The following SLC9A9 variants were observed in gnomAD, a reference collection of about 807,000 sequenced individuals.
SLC9A9 encodes solute carrier family 9 member A9, also known as sodium/hydrogen exchanger 9.
A neutral mutation model predicts 77.8 loss-of-function variants in SLC9A9; 62 were observed. That is an observed-to-expected ratio of 0.80 (90% confidence interval 0.65 to 0.98). The LOEUF is 0.98. Among genes scored for constraint, SLC9A9 ranks in the 50% least tolerant of loss-of-function variants. The pLI is 0.00. For missense variants in SLC9A9, 775 were observed against 774.9 expected (o/e 1.00, Z 0.00); for synonymous variants, 320 against 283.5 (o/e 1.13, Z -1.29).
At chr3:143,291,522 A>G (rs2029976573) in intron 14 of SLC9A9, among the ~76,000 whole-genome samples, 1 of 152,062 alleles carries the variant, frequency 6.6e-6, no homozygotes, top group Admixed American at 6.5e-5. Context: ...CTGTCTCTCC[A>G]CCCGAAGGGG....
chr3:143,562,717 A>T (rs890882009), intron 8 of SLC9A9, among the ~76,000 whole-genome samples: 14 of 151,162 alleles, frequency 9.3e-5, no homozygotes, highest in African/African-American at 3.2e-4. Context: ...AAATCTGATC[A>T]TTCTGTTTCC....
chr3:143,279,609 CT>C (rs1191821162), intron 14 of SLC9A9, among the ~76,000 whole-genome samples: 1 of 152,120 alleles, frequency 6.6e-6, no homozygotes, highest in Non-Finnish European at 1.5e-5. Flanking sequence ...GTTCCCCTCC[CT>C]GGGTCCATGT....
At chr3:143,515,289 T>C (rs2036186849) in intron 9 of SLC9A9, among the ~76,000 whole-genome samples, 1 of 152,022 alleles carries the variant, frequency 6.6e-6, no homozygotes, top group South Asian at 2.1e-4. Flanking sequence ...ACACATATAA[T>C]GAAAAAGCTT....
intron 13 of SLC9A9, among the ~76,000 whole-genome samples, chr3:143,364,989 C>A (rs1205234291): frequency 6.6e-6 from 1 of 152,150 alleles, no homozygotes; most frequent in East Asian, 1.9e-4. Context: ...TCATTCATTG[C>A]AGCACTATTT....
chr3:143,271,220 A>G (rs7620796), intron 14 of SLC9A9, among the ~76,000 whole-genome samples: 54,541 of 152,032 alleles, frequency 0.36, 12,795 homozygotes, highest in African/African-American at 0.67. Context: ...ACTATATAAT[A>G]CTATTGGAGT....
At chr3:143,289,428 A>C (rs915308800) in intron 14 of SLC9A9, among the ~76,000 whole-genome samples, 16 of 152,292 alleles carry the variant, frequency 1.1e-4, no homozygotes, top group African/African-American at 3.8e-4. Flanking sequence ...AAGGACTCTC[A>C]GAGATGCAGC....
At chr3:143,521,745 A>G (rs1465701631) in intron 9 of SLC9A9, among the ~76,000 whole-genome samples, 1 of 152,068 alleles carries the variant, frequency 6.6e-6, no homozygotes. Flanking sequence ...TAAGTACTCA[A>G]ATTCCTTCAA....
rs1007875653 is a variant in SLC9A9, at chr3:143,460,792, C to T, written c.1469+6245G>A. On this transcript the variant is annotated intron_variant, in intron 12 of 15. Transcript: ENST00000316549. Reference sequence around the variant, plus strand: ...CTAATTCATAACAATTGTTATAAACCTAGAATATTTTTAGGTTAAAAACAA... The same window carrying T: ...CTAATTCATAACAATTGTTATAAACTTAGAATATTTTTAGGTTAAAAACAA... Among the ~76,000 whole-genome samples the T allele has an allele frequency of 5.3e-5, 8 of 152,058 alleles. 1 individual carries two copies. The highest frequency in any genetic ancestry group is 1.9e-4 in the African/African-American group (8 of 41,398).
At chr3:143,655,425 A>G (rs2038872080) in intron 5 of SLC9A9, 1 of 970,052 alleles carries the variant, frequency 1.0e-6, no homozygotes, top group Non-Finnish European at 1.2e-6. Flanking sequence ...AGGAAGGGGA[A>G]AAGATGCAAT....
At chr3:143,607,955 G>A (rs1481279061) in intron 6 of SLC9A9, among the ~76,000 whole-genome samples, 1 of 151,944 alleles carries the variant, frequency 6.6e-6, no homozygotes, top group Non-Finnish European at 1.5e-5. Context: ...ATATACAGAA[G>A]GATATTCACA....
In SLC9A9 at chr3:143,346,738, A is replaced by T. The variant is rs547140187; in HGVS notation, c.1604+16746T>A. Among the ~76,000 whole-genome samples, 21 of 152,308 alleles carry T rather than the reference A, an allele frequency of 1.4e-4. No individual in the cohort carries two copies. In the South Asian group the frequency reaches 3.7e-3, roughly 27 times the overall value. ...AACCTGGGAGGCGGAGGTTGCCGTG[A>T]GCCGAGATAGTGCCATTGCACTCCA... On this transcript the variant is annotated intron_variant, in intron 14 of 15. Coordinates refer to ENST00000316549, the MANE Select transcript of SLC9A9 (RefSeq NM_173653.4).
At chr3:143,561,079 G>T (rs2037076398) in intron 8 of SLC9A9, among the ~76,000 whole-genome samples, 1 of 152,186 alleles carries the variant, frequency 6.6e-6, no homozygotes, top group African/African-American at 2.4e-5. Flanking sequence ...TACTTGGGAG[G>T]TTGAGGCAGG....
Position 143,429,332 on chromosome 3 carries a change from T to C in SLC9A9, c.1469+37705A>G, listed in dbSNP as rs77902440. Among the ~76,000 whole-genome samples the C allele has an allele frequency of 7.0e-4, 106 of 152,304 alleles. 1 individual carries two copies. The East Asian group carries it at 0.016, about 23-fold the overall frequency. On this transcript the variant is annotated intron_variant, in intron 12 of 15. Coordinates refer to ENST00000316549, the MANE Select transcript of SLC9A9 (RefSeq NM_173653.4). ...AATCAAATGGTAACTCAGGCAGCTA[T>C]GGTAGGCTGTGAGGATGTTTGGATG...
intron 9 of SLC9A9, among the ~76,000 whole-genome samples, chr3:143,495,958 G>C (rs1419860470): frequency 6.6e-6 from 1 of 152,158 alleles, no homozygotes. Context: ...AAATAAGGAT[G>C]AATGTCAATT....
At chr3:143,628,057 T>G (rs960248448) in intron 6 of SLC9A9, among the ~76,000 whole-genome samples, 7 of 152,224 alleles carry the variant, frequency 4.6e-5, no homozygotes, top group African/African-American at 1.7e-4. Flanking sequence ...TTTACCCTTC[T>G]AAACACCATT....
chr3:143,522,447 C>T (rs9883866), intron 9 of SLC9A9, among the ~76,000 whole-genome samples: 75,375 of 151,854 alleles, frequency 0.5, 18,944 homozygotes, highest in Middle Eastern at 0.68. Context: ...GCCACCACAA[C>T]TTCTCCTTCC....
chr3:143,280,278 C>T (rs1354443626), intron 14 of SLC9A9, among the ~76,000 whole-genome samples: 2 of 152,198 alleles, frequency 1.3e-5, no homozygotes, highest in Non-Finnish European at 2.9e-5. Context: ...TACACACACA[C>T]TTCCCACCCC....
chr3:143,841,479 C>T, intron 1 of SLC9A9, among the ~76,000 whole-genome samples: 1 of 152,130 alleles, frequency 6.6e-6, no homozygotes, highest in East Asian at 1.9e-4. Flanking sequence ...AACTTTTTGA[C>T]ATAATAGATG....
intron 14 of SLC9A9, among the ~76,000 whole-genome samples, chr3:143,350,633 A>G (rs1447015149): frequency 6.6e-6 from 1 of 152,170 alleles, no homozygotes; most frequent in Non-Finnish European, 1.5e-5. Context: ...GGTATTTTCT[A>G]GTGTTCAAAG....
Sources: allele counts gnomAD v4.1 joint callset (sites outside exome capture counted in the v4.1 genomes callset), GRCh38; gene constraint gnomAD v4.1.1; transcripts MANE v1.5; gene names NCBI Gene and HGNC (gene_info 2026-07-23, HGNC 2026-07-21).